Variants in PATJ observed in about 807,000 individuals in gnomAD.
PATJ encodes inaD-like protein.
PATJ carries 190 observed loss-of-function variants against 224.9 expected under a neutral mutation model. The observed-to-expected ratio is 0.84, with a 90% CI of 0.75 to 0.95. The LOEUF (loss-of-function observed/expected upper bound fraction) is 0.95. Among genes scored for constraint, PATJ ranks in the 40% least tolerant of loss-of-function variants. PATJ has a pLI of 0.00. For synonymous variants in PATJ, 769 were observed against 820.3 expected (o/e 0.94, Z 1.07); for missense variants, 2,121 against 2,270.3 (o/e 0.93, Z 1.34).
chr1:61,857,341 T>C (rs1338861872), intron 18 of PATJ, among the ~76,000 whole-genome samples: 5 of 152,222 alleles, frequency 3.3e-5, no homozygotes, highest in African/African-American at 1.2e-4. Flanking sequence ...AGAATAGTCC[T>C]TTTGTTACCC....
intron 1 of PATJ, among the ~76,000 whole-genome samples, chr1:61,752,388 A>G (rs1041468084): frequency 5.7e-5 from 8 of 140,128 alleles, no homozygotes; most frequent in African/African-American, 2.2e-4. Context: ...ATCTTGGCTC[A>G]CTGCAACCTC....
Position 62,099,347 on chromosome 1 carries a change from CTTTTTTTTTTTTTTTT to C in PATJ, c.4378-9075_4378-9060del, listed in dbSNP as rs71050197. ...ATTTTTTTGTATACAATATCTCCAA[CTTTTTTTTTTTTTTTT>C]TTTTTTTTTTTTTTGGTCCTCATGG... On this transcript the variant is annotated intron_variant, in intron 33 of 43. Transcript: ENST00000642238. 1.4e-4 allele frequency among the ~76,000 whole-genome samples: 8 copies of C among 55,666 alleles called. No homozygotes were observed. In the Admixed American group the frequency reaches 1.4e-3, roughly 10 times the overall value. 36.5% of individuals were successfully genotyped at this position (55,666 alleles called of 152,430 possible). A position where few individuals can be genotyped will look rare whatever the true frequency, so the allele number is the denominator to read the frequency against.
chr1:61,864,628 A>C lies in PATJ; in HGVS notation c.2830A>C (p.Asn944His). The change falls in exon 20 of 44, where the codon AAT becomes CAT. Residue 944 changes from asparagine (N) to histidine (H), a missense_variant. Transcript: ENST00000642238. ...EAQPYGYCPE[N>H]VMKENFVMES... ...ACAGCCGTATGGCTATTGCCCTGAA[A>C]ATGTGGTAAGAGATTAGAATAGATA... is the stretch of plus-strand genomic sequence containing the variant. The C allele has an allele frequency of 6.3e-7, 1 of 1,588,570 alleles. No homozygotes were observed. The highest frequency in any genetic ancestry group is 1.3e-5 in the African/African-American group (1 of 74,792).
chr1:61,868,788 CA>C lies in PATJ; in HGVS notation c.2835+4165del, dbSNP rs529454427. On this transcript the variant is annotated intron_variant, in intron 20 of 43. Coordinates refer to ENST00000642238, the MANE Select transcript of PATJ (RefSeq NM_001350145.3). Reference sequence around the variant, plus strand: ...TGGGCAACAGAGAGAGACTCCGTCTCAAAAAAAAAAGTTGAATAAAATATTT... The same window carrying C: ...TGGGCAACAGAGAGAGACTCCGTCTCAAAAAAAAAGTTGAATAAAATATTT... Among the ~76,000 whole-genome samples the C allele has an allele frequency of 1.2e-4, 18 of 145,940 alleles. No individual in the cohort carries two copies. In the South Asian group the frequency reaches 2.2e-3, roughly 18 times the overall value.
At chr1:62,074,063 T>G (rs1254184089) in intron 31 of PATJ, among the ~76,000 whole-genome samples, 1 of 152,122 alleles carries the variant, frequency 6.6e-6, no homozygotes, top group Non-Finnish European at 1.5e-5. Context: ...CTAAAATGTA[T>G]ACATTATTAC....
intron 43 of PATJ, among the ~76,000 whole-genome samples, chr1:62,154,164 G>A (rs959176319): frequency 6.6e-6 from 1 of 152,066 alleles, no homozygotes; most frequent in Admixed American, 6.6e-5. Context: ...CTAAAGTGCT[G>A]GGATTATAGG....
rs10605703 is a variant in PATJ at position 62,024,657 on chromosome 1, AACACACACACACACAC to A, written c.3959+6754_3959+6769del. Among the ~76,000 whole-genome samples the A allele has an allele frequency of 4.8e-3, 519 of 107,732 alleles. 6 individuals carry two copies. The highest frequency in any genetic ancestry group is 0.033 in the South Asian group (99 of 2,988). 70.7% of individuals were successfully genotyped at this position (107,732 alleles called of 152,430 possible). ...GGTAGACCCCCACTTCCCACCTCCC[AACACACACACACACAC>A]ACACACACACACACACACACACACA... On this transcript the variant is annotated intron_variant, in intron 29 of 43. Coordinates refer to ENST00000642238, the MANE Select transcript of PATJ (RefSeq NM_001350145.3).
intron 15 of PATJ, among the ~76,000 whole-genome samples, chr1:61,826,452 T>C (rs562955331): frequency 1.2e-4 from 19 of 152,028 alleles, no homozygotes; most frequent in Admixed American, 3.3e-4. Flanking sequence ...AGGGTAGGAG[T>C]CAGATGCGAA....
At chr1:61,758,257 T>A (rs1645762505) in intron 1 of PATJ, among the ~76,000 whole-genome samples, 1 of 152,214 alleles carries the variant, frequency 6.6e-6, no homozygotes, top group East Asian at 1.9e-4. Flanking sequence ...TCTTCTACAT[T>A]GGGACATATT....
chr1:62,096,762 C>A (rs1661443363), intron 33 of PATJ, among the ~76,000 whole-genome samples: 1 of 151,966 alleles, frequency 6.6e-6, no homozygotes, highest in Non-Finnish European at 1.5e-5. Context: ...ATTACAGGCA[C>A]CCACCACCAC....
chr1:61,967,211 A>G (rs560263351), intron 27 of PATJ, among the ~76,000 whole-genome samples: 11 of 152,210 alleles, frequency 7.2e-5, no homozygotes, highest in Non-Finnish European at 1.5e-4. Flanking sequence ...TAAGATTAAT[A>G]CTTGCAAATC....
intron 9 of PATJ, among the ~76,000 whole-genome samples, chr1:61,793,982 A>G (rs1192035916): frequency 6.9e-6 from 1 of 144,888 alleles, no homozygotes; most frequent in Admixed American, 7.0e-5. Flanking sequence ...GGCTCACTGC[A>G]ACCTCCATCT....
chr1:61,770,127 G>T (rs1228597726), intron 5 of PATJ, among the ~76,000 whole-genome samples: 3 of 152,014 alleles, frequency 2.0e-5, no homozygotes, highest in African/African-American at 7.2e-5. Context: ...ATACATTTTT[G>T]AATTCACATC....
chr1:62,141,333 G>A (rs907931446), intron 41 of PATJ, among the ~76,000 whole-genome samples: 1 of 152,146 alleles, frequency 6.6e-6, no homozygotes, highest in Non-Finnish European at 1.5e-5. Context: ...CAGGGACTCA[G>A]AAGGATGCTT....
At chr1:62,002,605 A>T (rs1299006485) in intron 28 of PATJ, among the ~76,000 whole-genome samples, 1 of 149,782 alleles carries the variant, frequency 6.7e-6, no homozygotes. Context: ...GCTACTTGGG[A>T]GGCTGAGGCA....
At chr1:61,968,730 C>T (rs548402800) in intron 27 of PATJ, among the ~76,000 whole-genome samples, 3 of 152,112 alleles carry the variant, frequency 2.0e-5, no homozygotes, top group South Asian at 4.2e-4. Flanking sequence ...CCACGACAGG[C>T]CCCCGTGTGT....
intron 17 of PATJ, among the ~76,000 whole-genome samples, chr1:61,848,863 C>G (rs919138345): frequency 2.0e-5 from 3 of 152,140 alleles, no homozygotes; most frequent in African/African-American, 7.2e-5. Context: ...TAAGAGTATA[C>G]TTTTCAAGAA....
At chr1:61,791,498 G>A in intron 9 of PATJ, 51 bp downstream of exon 9, 1 of 1,148,638 alleles carries the variant, frequency 8.7e-7, no homozygotes, top group Non-Finnish European at 1.3e-6. Flanking sequence ...GGATGTTAAG[G>A]TTTCTAGATA....
rs1570687985 is a variant in PATJ, at chr1:62,121,292, T to G, written c.5002T>G (p.Ser1668Ala). Residue 1668 changes from serine to alanine, a missense_variant, in exon 38 of 44, where the codon TCA (serine) becomes GCA (alanine). Physicochemically the swap from Ser to Ala is moderately conservative, Grantham distance 99. Transcript: ENST00000642238. ...AGTTTCAGATCCTTCCCAGAAAAAT[T>G]CAGGTATTACACGGACACACCCAGA... ...KRVSDPSQKN[S>A]GTDMEPRTVE... 1.2e-6 allele frequency: 2 copies of G among 1,602,880 alleles called. No homozygotes were observed. Among genetic ancestry groups the G allele is most frequent in the East Asian group, 4.5e-5 (2 of 44,782 alleles).
Sources: allele counts gnomAD v4.1 joint callset (sites outside exome capture counted in the v4.1 genomes callset), GRCh38; gene constraint gnomAD v4.1.1; transcripts MANE v1.5; gene names NCBI Gene and HGNC (gene_info 2026-07-23, HGNC 2026-07-21).